The following EIF4H variants were observed in gnomAD, a reference collection of about 807,000 sequenced individuals.
EIF4H encodes the protein Williams-Beuren syndrome chromosome region 1.
EIF4H carries 8 observed loss-of-function variants against 30.6 expected under a neutral mutation model. The observed-to-expected ratio is 0.26, with a 90% CI of 0.15 to 0.47. The LOEUF is 0.47. EIF4H is among the 20% of genes least tolerant of loss of function. The pLI is 0.99. For synonymous variants in EIF4H, 106 were observed against 122.7 expected (o/e 0.86, Z 0.90); for missense variants, 188 against 339.5 (o/e 0.55, Z 3.51).
intron 5 of EIF4H, among the ~76,000 whole-genome samples, chr7:74,191,751 T>G (rs1554709992): frequency 9.9e-5 from 15 of 152,150 alleles, no homozygotes; most frequent in Non-Finnish European, 2.9e-5. Context: ...CATGAATAGT[T>G]TGCTTCCTAG....
At chr7:74,181,427 TTTTTG>T (rs1254871543) in intron 1 of EIF4H, among the ~76,000 whole-genome samples, 1 of 152,146 alleles carries the variant, frequency 6.6e-6, no homozygotes, top group Non-Finnish European at 1.5e-5. Flanking sequence ...TTTTTTTTGT[TTTTTG>T]TTTTGTTTTG....
chr7:74,195,075 T>C (rs1334200951), intron 6 of EIF4H, 94 bp from the exon 7 acceptor site: 6 of 1,550,978 alleles, frequency 3.9e-6, no homozygotes, highest in Non-Finnish European at 5.2e-6. Context: ...TTTTAGAAAG[T>C]GGGCTGGTTT....
chr7:74,190,457 G>A, intron 5 of EIF4H, 151 bp downstream of exon 5: 2 of 738,612 alleles, frequency 2.7e-6, no homozygotes, highest in East Asian at 2.7e-5. Context: ...ATGCAAGTAA[G>A]CCTCTGTTAG....
intron 1 of EIF4H, among the ~76,000 whole-genome samples, chr7:74,182,762 T>G (rs1554708599): frequency 6.6e-6 from 1 of 152,204 alleles, no homozygotes; most frequent in Non-Finnish European, 1.5e-5. Context: ...CCTCATAACA[T>G]CTACTCTGTA....
chr7:74,189,987 C>T (rs573121459), intron 4 of EIF4H, 69 bp downstream of exon 4: 13 of 1,545,322 alleles, frequency 8.4e-6, no homozygotes, highest in Admixed American at 3.7e-5. Flanking sequence ...AACTCGTGAA[C>T]GTTCCTAGTA....
intron 1 of EIF4H, among the ~76,000 whole-genome samples, chr7:74,180,492 T>C (rs1800935957): frequency 6.6e-6 from 1 of 152,246 alleles, no homozygotes; most frequent in Non-Finnish European, 1.5e-5. Flanking sequence ...TTTTAAATAC[T>C]TCAAGTGCAT....
chr7:74,185,553 A>G (rs1801062736), intron 1 of EIF4H, among the ~76,000 whole-genome samples: 1 of 152,124 alleles, frequency 6.6e-6, no homozygotes, highest in Non-Finnish European at 1.5e-5. Context: ...ATTGTGAATT[A>G]TGAAACTTAA....
chr7:74,175,225 C>A (rs1423428271), intron 1 of EIF4H, among the ~76,000 whole-genome samples: 1 of 152,208 alleles, frequency 6.6e-6, no homozygotes, highest in Admixed American at 6.5e-5. Flanking sequence ...TTAAAAGAAA[C>A]ATCTTTGAAT....
intron 1 of EIF4H, among the ~76,000 whole-genome samples, chr7:74,184,939 C>T (rs145936102): frequency 0.016 from 2,430 of 152,180 alleles, 51 homozygotes; most frequent in African/African-American, 0.053. Context: ...CCTTGACCTC[C>T]CGAAGTGCTG....
At chr7:74,180,864 T>C (rs1402679269) in intron 1 of EIF4H, among the ~76,000 whole-genome samples, 1 of 152,216 alleles carries the variant, frequency 6.6e-6, no homozygotes, top group African/African-American at 2.4e-5. Context: ...TTGGCCTTCT[T>C]CAGAGACTGC....
At chr7:74,193,422 G>T (rs1801269264) in intron 5 of EIF4H, among the ~76,000 whole-genome samples, 1 of 152,102 alleles carries the variant, frequency 6.6e-6, no homozygotes, top group Non-Finnish European at 1.5e-5. Context: ...TGCAAATATG[G>T]GATCTGTGGA....
chr7:74,191,334 C>T (rs1199005909), intron 5 of EIF4H: 2 of 516,358 alleles, frequency 3.9e-6, no homozygotes, highest in African/African-American at 2.0e-5. Flanking sequence ...AGGGAACGGC[C>T]TTTCCCCTGC....
intron 1 of EIF4H, among the ~76,000 whole-genome samples, chr7:74,180,015 A>G (rs1800923522): frequency 6.6e-6 from 1 of 152,108 alleles, no homozygotes; most frequent in Admixed American, 6.5e-5. Flanking sequence ...CAGTCTGGAC[A>G]ATATGTCCAG....
intron 1 of EIF4H, chr7:74,183,740 C>G (rs782172847): frequency 1.8e-4 from 28 of 152,050 alleles, no homozygotes; most frequent in Non-Finnish European, 3.4e-4. Flanking sequence ...TCTGTGTCAT[C>G]CTATGTGATG....
intron 5 of EIF4H, chr7:74,191,439 C>G (rs1554709949): frequency 5.5e-6 from 2 of 366,594 alleles, no homozygotes; most frequent in African/African-American, 4.3e-5. Flanking sequence ...AGCAGAGACA[C>G]AGTGAACACG....
rs1314755497 is a variant in EIF4H at position 74,195,544 on chromosome 7, C to G, written c.*236C>G. On this transcript the variant is annotated 3_prime_UTR_variant, in exon 7 of 7. Transcript: ENST00000265753. ...GTTTTTTTCTTTCTTCCGCTGCTTC[C>G]CCATTTTCCTTCTGTCCTTTTTCTC... 2.5e-6 allele frequency: 1 copy of G among 401,128 alleles called. No homozygotes were observed. Among genetic ancestry groups the G allele is most frequent in the African/African-American group, 2.1e-5 (1 of 48,354 alleles). 24.8% of individuals were successfully genotyped at this position (401,128 alleles called of 1,614,324 possible).
intron 1 of EIF4H, among the ~76,000 whole-genome samples, chr7:74,183,119 G>C (rs1461487857): frequency 2.0e-5 from 3 of 152,224 alleles, no homozygotes; most frequent in Non-Finnish European, 2.9e-5. Flanking sequence ...ATTTGAGTAA[G>C]GAAAAGTGAT....
chr7:74,178,021 GC>G (rs782187242), intron 1 of EIF4H, among the ~76,000 whole-genome samples: 12 of 152,106 alleles, frequency 7.9e-5, no homozygotes, highest in Admixed American at 3.3e-4. Context: ...GCTCAGTGCA[GC>G]CTCGACTTCC....
chr7:74,191,584 TTA>T (rs1801214469), intron 5 of EIF4H, among the ~76,000 whole-genome samples: 1 of 152,188 alleles, frequency 6.6e-6, no homozygotes, highest in Non-Finnish European at 1.5e-5. Context: ...TAGATCTTTT[TTA>T]CTTTTTAATA....
Sources: gnomAD v4.1 joint callset for allele counts (sites outside exome capture counted in the v4.1 genomes callset) on GRCh38, gnomAD v4.1.1 for gene constraint, MANE v1.5 for transcripts, NCBI Gene and HGNC (gene_info 2026-07-23, HGNC 2026-07-21) for gene names.